Variants in IGSF21 observed in about 807,000 individuals in gnomAD.
IGSF21 encodes immunoglobin superfamily member 21, also known as immunoglobulin superfamily member 21.
A neutral mutation model predicts 46.8 loss-of-function variants in IGSF21; 28 were observed. The ratio of observed to expected loss-of-function variants is 0.60; its 90% CI spans 0.44 to 0.82. IGSF21 has a LOEUF of 0.82. IGSF21 is among the 40% of genes least tolerant of loss of function. The probability of loss-of-function intolerance (pLI) is 0.00; values close to 1 mark genes in which losing one functional copy is unlikely to be tolerated. For missense variants in IGSF21, 624 were observed against 665.5 expected, an observed-to-expected ratio of 0.94 and a Z score of 0.69; for synonymous variants, 284 against 273.6, an observed-to-expected ratio of 1.04 and a Z score of -0.38.
chr1:18,350,988 A>G (rs920405981), intron 4 of IGSF21, among the ~76,000 whole-genome samples: 3 of 151,964 alleles, frequency 2.0e-5, no homozygotes, highest in African/African-American at 7.3e-5. Context: ...ACCTGTGGAA[A>G]CACGTGAGGA....
chr1:18,333,768 A>G (rs1435244316), intron 3 of IGSF21, among the ~76,000 whole-genome samples: 1 of 152,230 alleles, frequency 6.6e-6, no homozygotes, highest in African/African-American at 2.4e-5. Context: ...GTCTGACCCT[A>G]TAGATGCTAT....
intron 1 of IGSF21, among the ~76,000 whole-genome samples, chr1:18,156,201 G>A (rs894146291): frequency 3.3e-5 from 5 of 152,134 alleles, no homozygotes; most frequent in African/African-American, 1.2e-4. Flanking sequence ...GCACTTCCAG[G>A]GGTTGGAGTG....
rs536876580 is a variant in IGSF21 at position 18,362,285 on chromosome 1, G to T, written c.540+55G>T. ...CCTATCTGCCGGACCACCCTGCTTC[G>T]GGGCTGGTCCAGCTGCAGGTGTCGC... On this transcript the variant is annotated intron_variant, in intron 5 of 9. Coordinates refer to ENST00000251296, the MANE Select transcript of IGSF21 (RefSeq NM_032880.5). The T allele has an allele frequency of 3.0e-4, 391 of 1,307,254 alleles. 2 individuals are homozygous for T. Among genetic ancestry groups the T allele is most frequent in the Non-Finnish European group, 4.2e-4 (384 of 921,952 alleles). The allele number at this position is 1,307,254 out of a possible 1,614,324, so 81.0% of individuals were successfully genotyped here.
At chr1:18,223,720 C>T (rs1570354574) in intron 1 of IGSF21, among the ~76,000 whole-genome samples, 1 of 152,202 alleles carries the variant, frequency 6.6e-6, no homozygotes, top group South Asian at 2.1e-4. Context: ...GTGTGACATA[C>T]TCATGGTCGT....
intron 1 of IGSF21, among the ~76,000 whole-genome samples, chr1:18,131,923 G>A (rs2086325288): frequency 6.6e-6 from 1 of 152,202 alleles, no homozygotes; most frequent in Non-Finnish European, 1.5e-5. Context: ...GGTGGGGGTT[G>A]AGGGGTGGTT....
intron 2 of IGSF21, among the ~76,000 whole-genome samples, chr1:18,275,537 G>A (rs1013546163): frequency 6.6e-6 from 1 of 152,104 alleles, no homozygotes; most frequent in Non-Finnish European, 1.5e-5. Flanking sequence ...CCCTCTCTCT[G>A]ACGATGCTGT....
chr1:18,363,666 CA>C (rs1260023486), intron 5 of IGSF21, among the ~76,000 whole-genome samples: 1 of 150,402 alleles, frequency 6.6e-6, no homozygotes, highest in African/African-American at 2.5e-5. Flanking sequence ...GAGCAATGGG[CA>C]GGGGCACAGA....
intron 1 of IGSF21, among the ~76,000 whole-genome samples, chr1:18,181,646 C>CT (rs2086859097): frequency 6.6e-6 from 1 of 152,160 alleles, no homozygotes; most frequent in Non-Finnish European, 1.5e-5. Flanking sequence ...TCAGCTCTGT[C>CT]TTTTTTGAAT....
chr1:18,375,554 G>A (rs148211115), intron 6 of IGSF21, among the ~76,000 whole-genome samples: 107 of 152,296 alleles, frequency 7.0e-4, no homozygotes, highest in African/African-American at 2.4e-3. Context: ...AGATACAAAG[G>A]GACTGAATAA....
intron 4 of IGSF21, among the ~76,000 whole-genome samples, chr1:18,336,567 C>T (rs1055635190): frequency 7.9e-5 from 12 of 152,182 alleles, no homozygotes; most frequent in Admixed American, 1.3e-4. Context: ...CCAGCTCTGT[C>T]GCATTGCTGG....
At chr1:18,341,879 T>C (rs1239761997) in intron 4 of IGSF21, among the ~76,000 whole-genome samples, 2 of 152,162 alleles carry the variant, frequency 1.3e-5, no homozygotes, top group Non-Finnish European at 2.9e-5. Context: ...TTTTGGAACC[T>C]GAGGCCAGAG....
chr1:18,322,574 C>T lies in IGSF21; in HGVS notation c.306-12318C>T, dbSNP rs938547041. On this transcript the variant is annotated intron_variant, in intron 3 of 9. Coordinates refer to ENST00000251296, the MANE Select transcript of IGSF21 (RefSeq NM_032880.5). This position sits in a 1 kb window ranked among gnomAD's most constrained non-coding sequence, Gnocchi z 4.3. ...CTTCTTTGGTCTCATTTCCCTTTGG[C>T]CAACCACCTGGCTCCTGGTTCCCCA... Among the ~76,000 whole-genome samples the T allele has an allele frequency of 1.3e-5, 2 of 152,208 alleles. No homozygotes were observed. Among genetic ancestry groups the T allele is most frequent in the Non-Finnish European group, 2.9e-5 (2 of 68,044 alleles).
chr1:18,142,231 C>A (rs1453400518), intron 1 of IGSF21, among the ~76,000 whole-genome samples: 1 of 152,130 alleles, frequency 6.6e-6, no homozygotes, highest in African/African-American at 2.4e-5. Flanking sequence ...ATTTAATGAA[C>A]AACTACTCTA....
chr1:18,163,227 T>C (rs1272916511), intron 1 of IGSF21, among the ~76,000 whole-genome samples: 2 of 151,982 alleles, frequency 1.3e-5, no homozygotes, highest in South Asian at 2.1e-4. Flanking sequence ...TCTGGAATTG[T>C]TGGGCAAAAA....
intron 2 of IGSF21, among the ~76,000 whole-genome samples, chr1:18,243,580 G>A (rs2084754402): frequency 6.6e-6 from 1 of 152,112 alleles, no homozygotes; most frequent in African/African-American, 2.4e-5. Context: ...GTGACCTTTT[G>A]AAATCAGAAC....
intron 1 of IGSF21, among the ~76,000 whole-genome samples, chr1:18,219,191 A>C (rs375677056): frequency 6.6e-6 from 1 of 152,194 alleles, no homozygotes; most frequent in Non-Finnish European, 1.5e-5. Flanking sequence ...TAAGTCAGAG[A>C]GTGACAGGGG....
chr1:18,254,290 C>T (rs2084869272), intron 2 of IGSF21, among the ~76,000 whole-genome samples: 1 of 145,136 alleles, frequency 6.9e-6, no homozygotes, highest in Non-Finnish European at 1.5e-5. Flanking sequence ...GTCCAGAGGC[C>T]CCCATTTCCC....
At position 18,109,124 on chromosome 1, in the gene IGSF21, G is replaced by A. The variant is rs1358192778; in HGVS notation, c.70+926G>A. Among the ~76,000 whole-genome samples the A allele has an allele frequency of 1.3e-5, 2 of 151,970 alleles. No individual in the cohort carries two copies. The highest frequency in any genetic ancestry group is 4.8e-5 in the African/African-American group (2 of 41,376). On this transcript the variant is annotated intron_variant, in intron 1 of 9. Transcript: ENST00000251296. The surrounding 1 kb of genome is among the most constrained non-coding windows in gnomAD (Gnocchi z 4.8). ...AGGTGGCTCCGCAGCCCCAGGGTCC[G>A]CGGCCGGCCTCCCACCCAGTGCCGC...
chr1:18,122,781 C>A (rs1383007614), intron 1 of IGSF21, among the ~76,000 whole-genome samples: 1 of 152,008 alleles, frequency 6.6e-6, no homozygotes, highest in Non-Finnish European at 1.5e-5. Flanking sequence ...CCACCACGCC[C>A]CAGCTAATTT....
Sources: gnomAD v4.1 joint callset for allele counts (sites outside exome capture counted in the v4.1 genomes callset) on GRCh38, gnomAD v4.1.1 for gene constraint, Gnocchi (gnomAD v3.1) non-coding constraint, MANE v1.5 for transcripts, NCBI Gene and HGNC (gene_info 2026-07-23, HGNC 2026-07-21) for gene names.